METTL8: variants seen among roughly 807,000 people sequenced by gnomAD.
METTL8 encodes tRNA N(3)-cytidine methyltransferase METTL8, mitochondrial.
In METTL8, 32 loss-of-function variants were observed where a neutral mutation model predicts 48.7. The ratio of observed to expected loss-of-function variants is 0.66; its 90% CI spans 0.50 to 0.88. The LOEUF (loss-of-function observed/expected upper bound fraction) is 0.88. METTL8 is among the 40% of genes least tolerant of loss of function. The pLI, the probability that METTL8 is intolerant of heterozygous loss-of-function variation, is 0.00. For synonymous variants in METTL8, 136 were observed against 157.1 expected (o/e 0.87, Z 1.01); for missense variants, 464 against 474.4 (o/e 0.98, Z 0.20).
At chr2:171,349,663 T>A (rs960028081) in intron 3 of METTL8, among the ~76,000 whole-genome samples, 2 of 152,192 alleles carry the variant, frequency 1.3e-5, no homozygotes, top group Admixed American at 1.3e-4. Flanking sequence ...TGCTTTCAAA[T>A]CTTTTGCATA....
At chr2:171,383,158 G>A (rs1687733857) in intron 2 of METTL8, among the ~76,000 whole-genome samples, 1 of 151,974 alleles carries the variant, frequency 6.6e-6, no homozygotes, top group Admixed American at 6.6e-5. Context: ...ATATGAAACA[G>A]GGCAAGAGGA....
chr2:171,372,463 G>A (rs902332181), intron 2 of METTL8, among the ~76,000 whole-genome samples: 1 of 151,624 alleles, frequency 6.6e-6, no homozygotes, highest in African/African-American at 2.4e-5. Context: ...ATGTAACACA[G>A]GTACAATAAT....
chr2:171,398,967 G>GT (rs1689383770), intron 1 of METTL8, among the ~76,000 whole-genome samples: 1 of 152,142 alleles, frequency 6.6e-6, no homozygotes, highest in Non-Finnish European at 1.5e-5. Context: ...AGGTGTTTCA[G>GT]TTTTTTAAAA....
chr2:171,387,873 C>T (rs113423113), intron 2 of METTL8, among the ~76,000 whole-genome samples: 120 of 152,222 alleles, frequency 7.9e-4, no homozygotes, highest in African/African-American at 2.7e-3. Context: ...CCATGAATCA[C>T]CTTCCTAGCC....
chr2:171,348,983 A>T (rs987268360), intron 3 of METTL8, among the ~76,000 whole-genome samples: 1 of 152,116 alleles, frequency 6.6e-6, no homozygotes, highest in African/African-American at 2.4e-5. Context: ...TGTGCTTTTT[A>T]AAAAAATTGT....
rs544836779 is a variant in METTL8, at chr2:171,322,373, C to T, written c.*1799G>A. Reference sequence around the variant, plus strand: ...ATACCAGAAAGGGTCTGGATCCAGACGCCAAGAGAGGATTCTTGGATCTTG... The same window carrying T: ...ATACCAGAAAGGGTCTGGATCCAGATGCCAAGAGAGGATTCTTGGATCTTG... On this transcript the variant is annotated 3_prime_UTR_variant, in exon 10 of 10. Coordinates refer to ENST00000375258, the MANE Select transcript of METTL8 (RefSeq NM_001321154.2). 6.6e-5 allele frequency: 10 copies of T among 152,130 alleles called. No homozygotes were observed. In the East Asian group the frequency reaches 1.4e-3, roughly 21 times the overall value. 9.4% of individuals were successfully genotyped at this position (152,130 alleles called of 1,614,324 possible). A position where few individuals can be genotyped will look rare whatever the true frequency, so the allele number is the denominator to read the frequency against.
chr2:171,395,795 G>A (rs1294152268), intron 1 of METTL8, among the ~76,000 whole-genome samples: 5 of 152,078 alleles, frequency 3.3e-5, no homozygotes, highest in African/African-American at 9.7e-5. Context: ...AATAACCAGC[G>A]ACAAGCTATC....
chr2:171,388,527 A>G (rs1313555443), intron 2 of METTL8, among the ~76,000 whole-genome samples: 1 of 152,198 alleles, frequency 6.6e-6, no homozygotes, highest in Non-Finnish European at 1.5e-5. Context: ...ATGATTTTCT[A>G]TCCACCTAGA....
chr2:171,428,287 T>G (rs1009695910), intron 1 of METTL8, among the ~76,000 whole-genome samples: 1 of 152,202 alleles, frequency 6.6e-6, no homozygotes, highest in African/African-American at 2.4e-5. Context: ...TGAAAGTTAT[T>G]AATATTGTGA....
intron 3 of METTL8, 70 bp downstream of exon 3, chr2:171,360,352 G>A: frequency 7.7e-7 from 1 of 1,292,308 alleles, no homozygotes; most frequent in Non-Finnish European, 1.1e-6. Context: ...ACTCTCAGAA[G>A]CAATGACACG....
At chr2:171,369,842 C>T (rs993043802) in intron 2 of METTL8, among the ~76,000 whole-genome samples, 4 of 152,054 alleles carry the variant, frequency 2.6e-5, no homozygotes, top group South Asian at 4.2e-4. Flanking sequence ...CCAAGGCGGG[C>T]GGATCATGAG....
intron 1 of METTL8, among the ~76,000 whole-genome samples, chr2:171,394,256 A>C (rs1489667768): frequency 1.3e-5 from 2 of 152,224 alleles, no homozygotes; most frequent in Non-Finnish European, 2.9e-5. Flanking sequence ...GATTACACCT[A>C]GAAAGAGAGG....
chr2:171,430,510 A>G (rs1272735314), intron 1 of METTL8, among the ~76,000 whole-genome samples: 2 of 152,190 alleles, frequency 1.3e-5, no homozygotes. Context: ...CGTTCTACAC[A>G]TGTACCCCAG....
At chr2:171,405,672 A>G (rs933693901) in intron 1 of METTL8, among the ~76,000 whole-genome samples, 5 of 152,220 alleles carry the variant, frequency 3.3e-5, no homozygotes, top group Non-Finnish European at 7.3e-5. Context: ...ACACACACAC[A>G]AAGACTGAAG....
chr2:171,339,441 C>A lies in METTL8; in HGVS notation c.349G>T (p.Val117Phe), dbSNP rs1351387302. 1.9e-6 allele frequency: 3 copies of A among 1,613,560 alleles called. No individual in the cohort carries two copies. In the South Asian group the frequency reaches 3.3e-5, roughly 18 times the overall value. ...LLREFPEILP[V>F]DQKPEEKARE... ...GCCTTCTCTTCAGGTTTTTGATCAA[C>A]TGGAAGAATTTCAGGAAATTCCCTC... The change falls in exon 4 of 10, where the codon GTT becomes TTT. Residue 117 changes from valine (V) to phenylalanine (F), a missense_variant. Coordinates refer to ENST00000375258, the MANE Select transcript of METTL8 (RefSeq NM_001321154.2).
chr2:171,406,162 AC>A (rs1690158787), intron 1 of METTL8, among the ~76,000 whole-genome samples: 1 of 152,216 alleles, frequency 6.6e-6, no homozygotes, highest in Non-Finnish European at 1.5e-5. Flanking sequence ...CAATCGGCAC[AC>A]TTCTATACCT....
intron 3 of METTL8, among the ~76,000 whole-genome samples, chr2:171,343,105 A>G (rs535177429): frequency 9.8e-5 from 15 of 152,344 alleles, no homozygotes; most frequent in Non-Finnish European, 2.2e-4. Flanking sequence ...CAAGCAAACC[A>G]TGCAGTTCAA....
At chr2:171,341,052 G>A (rs1269916374) in intron 3 of METTL8, among the ~76,000 whole-genome samples, 2 of 151,034 alleles carry the variant, frequency 1.3e-5, no homozygotes, top group Non-Finnish European at 1.5e-5. Context: ...AGTAAGGGCC[G>A]GGCACGATGG....
rs768641434 is a variant in METTL8, at chr2:171,326,135, C to T, written c.874G>A (p.Val292Ile). ...SIHPDRMQGVVNRLSKLLKPG... is the reference protein window; with the variant it reads ...SIHPDRMQGVINRLSKLLKPG... ...TTCAGTAACTTGGACAGTCGGTTTA[C>T]AACACCTTGCATCCTTTGGAAACAA... Residue 292 changes from valine (V) to isoleucine (I), a missense_variant, in exon 8 of 10, where the codon GTA (valine) becomes ATA (isoleucine). Val to Ile is a conservative substitution (Grantham distance 29). Transcript: ENST00000375258. 2 of 1,529,594 alleles carry T rather than the reference C, an allele frequency of 1.3e-6. No homozygotes were observed. Among genetic ancestry groups the T allele is most frequent in the Non-Finnish European group, 1.8e-6 (2 of 1,128,090 alleles). The allele number at this position is 1,529,594 out of a possible 1,614,324, so 94.8% of individuals were successfully genotyped here. A position where few individuals can be genotyped will look rare whatever the true frequency, so the allele number is the denominator to read the frequency against.
Sources: allele counts gnomAD v4.1 joint callset (sites outside exome capture counted in the v4.1 genomes callset), GRCh38; gene constraint gnomAD v4.1.1; transcripts MANE v1.5; gene names NCBI Gene and HGNC (gene_info 2026-07-23, HGNC 2026-07-21).